RIPOR2: variants seen among roughly 807,000 people sequenced by gnomAD.
The protein encoded by RIPOR2 is rho family-interacting cell polarization regulator 2.
RIPOR2 carries 39 observed loss-of-function variants against 114.5 expected under a neutral mutation model. The ratio of observed to expected loss-of-function variants is 0.34; its 90% CI spans 0.26 to 0.44. The LOEUF is 0.44. Ranked by LOEUF, RIPOR2 falls within the 20% of genes least tolerant of loss-of-function variation. RIPOR2 has a pLI of 1.00. For synonymous variants in RIPOR2, 445 were observed against 484.4 expected (o/e 0.92, Z 1.07); for missense variants, 1,007 against 1,255.1 (o/e 0.80, Z 2.99).
rs9379694 is a variant in RIPOR2 at position 24,818,791 on chromosome 6, G to T, written c.2869-166C>A. Among the ~76,000 whole-genome samples, 477 of 151,806 alleles carry T rather than the reference G, an allele frequency of 3.1e-3. 4 individuals are homozygous for T. Among genetic ancestry groups the T allele is most frequent in the African/African-American group, 9.9e-3 (410 of 41,452 alleles). On this transcript the variant is annotated intron_variant, in intron 19 of 21. Transcript: ENST00000643898. ...CCATTGAAATTCATATTAATTAAAA[G>T]AGTCGTTTATTCAATAAATTGATCC...
chr6:24,940,787 A>G (rs911615861), upstream of RIPOR2, among the ~76,000 whole-genome samples: 2 of 151,950 alleles, frequency 1.3e-5, no homozygotes, highest in South Asian at 4.2e-4. Context: ...ACTAGCTGGG[A>G]CTACAGGTGT....
At chr6:25,024,066 AGTG>A in intron 1 of RIPOR2, 1 of 766,216 alleles carries the variant, frequency 1.3e-6, no homozygotes, top group Non-Finnish European at 2.4e-6. Context: ...TCCAGGGAGC[AGTG>A]CCCTTTATCT....
intron 11 of RIPOR2, among the ~76,000 whole-genome samples, chr6:24,849,240 C>T (rs903349066): frequency 9.9e-5 from 15 of 152,138 alleles, no homozygotes; most frequent in African/African-American, 3.4e-4. Context: ...ACCTTTCTCA[C>T]CGGGTGAATT....
chr6:24,864,051 C>A (rs1314526317), intron 7 of RIPOR2, among the ~76,000 whole-genome samples: 1 of 152,202 alleles, frequency 6.6e-6, no homozygotes, highest in Non-Finnish European at 1.5e-5. Context: ...CCTGTAATCC[C>A]AGCACTTTGG....
intron 1 of RIPOR2, among the ~76,000 whole-genome samples, chr6:24,927,672 T>TA (rs909693449): frequency 3.3e-5 from 5 of 152,148 alleles, no homozygotes; most frequent in Admixed American, 2.0e-4. Context: ...AGTATCATCA[T>TA]AATCATCATC....
At position 24,835,156 on chromosome 6, in the gene RIPOR2, G is replaced by C. The variant is rs560341620; in HGVS notation, c.2208+547C>G. On this transcript the variant is annotated intron_variant, in intron 15 of 21. Transcript: ENST00000643898. ...TTAAGTGGTAAACAGCTTGAGATGA[G>C]AAGGAAAATTAGCTCTGTGGTGTCC... 3.3e-5 allele frequency among the ~76,000 whole-genome samples: 5 copies of C among 152,340 alleles called. No individual in the cohort carries two copies. The South Asian group carries it at 1.0e-3, about 32-fold the overall frequency.
chr6:24,806,511 C>CTG (rs5875006), intron 21 of RIPOR2, 38 bp from the exon 22 acceptor site: 4 of 1,424,456 alleles, frequency 2.8e-6, no homozygotes, highest in Non-Finnish European at 3.8e-6. Context: ...CCAATTCAAA[C>CTG]AACGTTTTTA....
intron 1 of RIPOR2, among the ~76,000 whole-genome samples, chr6:24,990,791 A>G (rs1774775228): frequency 6.6e-6 from 1 of 152,250 alleles, no homozygotes; most frequent in Non-Finnish European, 1.5e-5. Context: ...TGTTAAATAT[A>G]GATAGAAAAG....
At chr6:24,919,753 T>C (rs575856393) in intron 1 of RIPOR2, among the ~76,000 whole-genome samples, 35 of 152,310 alleles carry the variant, frequency 2.3e-4, no homozygotes, top group Non-Finnish European at 3.8e-4. Flanking sequence ...CTCTCAGCTG[T>C]GGGGTTTGCA....
chr6:24,884,455 T>C (rs1424390810), intron 1 of RIPOR2, among the ~76,000 whole-genome samples: 1 of 152,076 alleles, frequency 6.6e-6, no homozygotes, highest in Non-Finnish European at 1.5e-5. Flanking sequence ...ATCAAAGTAA[T>C]GCTAATATTT....
intron 1 of RIPOR2, among the ~76,000 whole-genome samples, chr6:24,981,528 T>C (rs1224006245): frequency 1.3e-5 from 2 of 152,326 alleles, no homozygotes; most frequent in African/African-American, 2.4e-5. Flanking sequence ...GCTAGGCCTT[T>C]CCTGAGCTTG....
intron 19 of RIPOR2, among the ~76,000 whole-genome samples, chr6:24,819,682 T>TTTTTTTTTTTTTTTG (rs1759502452): frequency 1.6e-5 from 2 of 128,140 alleles, no homozygotes; most frequent in Non-Finnish European, 3.4e-5. Flanking sequence ...TTTTTTTTTT[T>TTTTTTTTTTTTTTTG]AGTGGAGACA....
intron 1 of RIPOR2, among the ~76,000 whole-genome samples, chr6:24,983,152 T>C (rs1438514194): frequency 6.6e-6 from 1 of 151,894 alleles, no homozygotes; most frequent in African/African-American, 2.4e-5. Flanking sequence ...TCTCTACTTA[T>C]GTTAATTTTG....
intron 1 of RIPOR2, among the ~76,000 whole-genome samples, chr6:25,035,339 T>C (rs1777188763): frequency 6.6e-6 from 1 of 152,216 alleles, no homozygotes; most frequent in Non-Finnish European, 1.5e-5. Context: ...CTCAAATCTT[T>C]AAGCTTGTAG....
At chr6:24,809,922 G>T in intron 20 of RIPOR2, 115 bp from the exon 21 acceptor site, 1 of 690,640 alleles carries the variant, frequency 1.4e-6, no homozygotes, top group Non-Finnish European at 2.6e-6. Flanking sequence ...CCAGGCTGGA[G>T]TGCAATGGAG....
chr6:25,023,727 C>T (rs960051238), intron 1 of RIPOR2: 6 of 784,522 alleles, frequency 7.6e-6, no homozygotes, highest in African/African-American at 6.7e-5. Context: ...TCCGCGACTT[C>T]GTTCAGGTAC....
At chr6:24,853,332 A>G (rs1359937819) in intron 8 of RIPOR2, among the ~76,000 whole-genome samples, 1 of 152,204 alleles carries the variant, frequency 6.6e-6, no homozygotes, top group Non-Finnish European at 1.5e-5. Context: ...CAGCAGCAAA[A>G]ACAAATCTTA....
intron 3 of RIPOR2, among the ~76,000 whole-genome samples, 185 bp downstream of exon 3, chr6:24,873,459 G>C (rs536735423): frequency 6.6e-6 from 1 of 152,308 alleles, no homozygotes; most frequent in Non-Finnish European, 1.5e-5. Flanking sequence ...TCAATGTTAT[G>C]AATATGATGT....
intron 1 of RIPOR2, among the ~76,000 whole-genome samples, chr6:24,904,797 C>T (rs1355039591): frequency 4.6e-5 from 7 of 152,166 alleles, no homozygotes; most frequent in African/African-American, 7.2e-5. Context: ...TTTTTGGAGA[C>T]GGAGTCTCGC....
Sources: gnomAD v4.1 joint callset for allele counts (sites outside exome capture counted in the v4.1 genomes callset) on GRCh38, gnomAD v4.1.1 for gene constraint, MANE v1.5 for transcripts, NCBI Gene and HGNC (gene_info 2026-07-23, HGNC 2026-07-21) for gene names.